The following DOK6 variants were observed in gnomAD, a reference collection of about 807,000 sequenced individuals.
DOK6 encodes docking protein 6, also known as downstream of tyrosine kinase 6.
In DOK6, 22 loss-of-function variants were observed where a neutral mutation model predicts 44.0. The observed-to-expected ratio is 0.50, with a 90% CI of 0.36 to 0.71. DOK6 has a LOEUF of 0.71. Among genes scored for constraint, DOK6 ranks in the 30% least tolerant of loss-of-function variants. The pLI, the probability that DOK6 is intolerant of heterozygous loss-of-function variation, is 0.00. For missense variants in DOK6, 340 were observed against 416.4 expected (o/e 0.82, Z 1.60); for synonymous variants, 166 against 145.5 (o/e 1.14, Z -1.01).
intron 3 of DOK6, among the ~76,000 whole-genome samples, chr18:69,616,921 A>T (rs1316630016): frequency 6.6e-6 from 1 of 152,230 alleles, no homozygotes; most frequent in Non-Finnish European, 1.5e-5. Flanking sequence ...GAGGACTTAA[A>T]AATATCTTTC....
intron 1 of DOK6, among the ~76,000 whole-genome samples, chr18:69,463,038 T>A (rs1979829113): frequency 6.6e-6 from 1 of 152,196 alleles, no homozygotes; most frequent in African/African-American, 2.4e-5. Flanking sequence ...TGTAACAAAA[T>A]AACATCAATT....
intron 1 of DOK6, among the ~76,000 whole-genome samples, chr18:69,427,707 A>C (rs1978679424): frequency 6.6e-6 from 1 of 152,202 alleles, no homozygotes; most frequent in South Asian, 2.1e-4. Flanking sequence ...AATCAGCCTA[A>C]ATGCCCATCA....
intron 7 of DOK6, among the ~76,000 whole-genome samples, chr18:69,760,089 G>A (rs1225344240): frequency 6.6e-6 from 1 of 152,002 alleles, no homozygotes; most frequent in Non-Finnish European, 1.5e-5. Context: ...ATATAGAGAT[G>A]AATAAATAGA....
At chr18:69,818,174 C>A (rs138907257) in intron 7 of DOK6, among the ~76,000 whole-genome samples, 1 of 152,142 alleles carries the variant, frequency 6.6e-6, no homozygotes, top group African/African-American at 2.4e-5. Context: ...CCCTGGCCTG[C>A]GAACAGGGGG....
At chr18:69,417,771 A>G (rs1275037677) in intron 1 of DOK6, among the ~76,000 whole-genome samples, 3 of 152,182 alleles carry the variant, frequency 2.0e-5, no homozygotes, top group Admixed American at 2.0e-4. Flanking sequence ...GTGAGATAAT[A>G]TCTCATTGTG....
intron 1 of DOK6, among the ~76,000 whole-genome samples, chr18:69,550,297 G>A (rs1982527982): frequency 6.6e-6 from 1 of 152,026 alleles, no homozygotes; most frequent in Admixed American, 6.6e-5. Flanking sequence ...TTCCTGGAAA[G>A]TAGCACTGAT....
intron 3 of DOK6, among the ~76,000 whole-genome samples, chr18:69,647,172 T>C (rs1364337548): frequency 1.4e-5 from 2 of 145,854 alleles, no homozygotes; most frequent in East Asian, 4.0e-4. Flanking sequence ...CCATCTATCC[T>C]ATCCATCTAT....
intron 5 of DOK6, among the ~76,000 whole-genome samples, chr18:69,703,419 C>T (rs560604892): frequency 3.9e-5 from 6 of 152,218 alleles, no homozygotes; most frequent in African/African-American, 1.4e-4. Flanking sequence ...TTAATGAGCA[C>T]ATAGTGTACT....
In DOK6 at chr18:69,501,211, A is replaced by T. The variant is rs144335353; in HGVS notation, c.67-63276A>T. On this transcript the variant is annotated intron_variant, in intron 1 of 7. Coordinates refer to ENST00000382713, the MANE Select transcript of DOK6 (RefSeq NM_152721.6). ...AACTTATTTTATGGTAGAGTTTTGGATGTTCAAATTTATCATTATCAGATG... is the reference window on the plus strand; with the variant it reads ...AACTTATTTTATGGTAGAGTTTTGGTTGTTCAAATTTATCATTATCAGATG... Among the ~76,000 whole-genome samples, 353 of 152,230 alleles carry T rather than the reference A, an allele frequency of 2.3e-3. 10 individuals are homozygous for T. The highest frequency in any genetic ancestry group is 0.019 in the Admixed American group (292 of 15,272).
intron 4 of DOK6, among the ~76,000 whole-genome samples, chr18:69,683,469 CTAATA>C (rs776598267): frequency 6.6e-5 from 10 of 152,218 alleles, no homozygotes. Context: ...CCAATGACAT[CTAATA>C]TGTCACTGTA....
intron 2 of DOK6, among the ~76,000 whole-genome samples, chr18:69,565,051 T>C (rs1290250814): frequency 1.3e-5 from 2 of 152,204 alleles, no homozygotes; most frequent in African/African-American, 4.8e-5. Flanking sequence ...TGCTGATGTG[T>C]AGAGATAAGG....
At chr18:69,735,441 A>G (rs1056632673) in intron 5 of DOK6, among the ~76,000 whole-genome samples, 6 of 152,228 alleles carry the variant, frequency 3.9e-5, no homozygotes, top group African/African-American at 1.4e-4. Context: ...GATTAAAATC[A>G]GCAAAGGGAA....
chr18:69,412,017 T>A (rs1405753057), intron 1 of DOK6, among the ~76,000 whole-genome samples: 4 of 152,176 alleles, frequency 2.6e-5, no homozygotes, highest in Non-Finnish European at 5.9e-5. Flanking sequence ...TTTATTTTCA[T>A]GTCTAGAATT....
intron 4 of DOK6, among the ~76,000 whole-genome samples, chr18:69,685,188 G>A (rs960641953): frequency 2.0e-5 from 3 of 151,856 alleles, no homozygotes; most frequent in Admixed American, 2.0e-4. Flanking sequence ...TATAATATTG[G>A]GATTTCATTT....
At chr18:69,515,153 T>A (rs915440962) in intron 1 of DOK6, among the ~76,000 whole-genome samples, 2 of 152,232 alleles carry the variant, frequency 1.3e-5, no homozygotes, top group African/African-American at 4.8e-5. Flanking sequence ...ATCAGAATGA[T>A]TTATCCAGAG....
chr18:69,607,210 A>AG (rs1416710224), intron 3 of DOK6, among the ~76,000 whole-genome samples: 1 of 152,166 alleles, frequency 6.6e-6, no homozygotes, highest in African/African-American at 2.4e-5. Flanking sequence ...CCTTACCCCC[A>AG]GGGGGAGTGA....
intron 7 of DOK6, among the ~76,000 whole-genome samples, chr18:69,780,288 A>G (rs1180874695): frequency 2.0e-5 from 3 of 152,108 alleles, no homozygotes; most frequent in Non-Finnish European, 4.4e-5. Flanking sequence ...AAATAGCCAT[A>G]TATTTTCCTA....
chr18:69,586,768 C>T (rs1983510622), intron 2 of DOK6, among the ~76,000 whole-genome samples: 1 of 152,118 alleles, frequency 6.6e-6, no homozygotes, highest in Non-Finnish European at 1.5e-5. Flanking sequence ...TGCATTTCCT[C>T]CTGGGGCCCC....
chr18:69,809,093 T>C (rs906697119), intron 7 of DOK6, among the ~76,000 whole-genome samples: 3 of 151,832 alleles, frequency 2.0e-5, no homozygotes, highest in African/African-American at 7.2e-5. Flanking sequence ...TTCACCATGA[T>C]CAAGTGGGAT....
Sources: gnomAD v4.1 joint callset for allele counts (sites outside exome capture counted in the v4.1 genomes callset) on GRCh38, gnomAD v4.1.1 for gene constraint, MANE v1.5 for transcripts, NCBI Gene and HGNC (gene_info 2026-07-23, HGNC 2026-07-21) for gene names.